ABTB2: variants seen among roughly 807,000 people sequenced by gnomAD.
ABTB2 encodes the protein ankyrin repeat and BTB/POZ domain-containing protein 2.
In ABTB2, 56 loss-of-function variants were observed where a neutral mutation model predicts 104.1. The observed-to-expected ratio is 0.54, with a 90% confidence interval of 0.43 to 0.67. ABTB2 has a LOEUF of 0.67. Among genes scored for constraint, ABTB2 ranks in the 30% least tolerant of loss-of-function variants. The probability of loss-of-function intolerance (pLI) is 0.00; values close to 1 mark genes in which losing one functional copy is unlikely to be tolerated. For missense variants in ABTB2, 1,279 were observed against 1,407.7 expected (o/e 0.91, Z 1.46); for synonymous variants, 606 against 608.2 (o/e 1.00, Z 0.05).
At chr11:34,303,765 C>A (rs1854739160) in intron 1 of ABTB2, among the ~76,000 whole-genome samples, 1 of 151,256 alleles carries the variant, frequency 6.6e-6, no homozygotes, top group East Asian at 2.0e-4. Context: ...GCCTCAGCTT[C>A]CCGAGTAGTT....
intron 1 of ABTB2, among the ~76,000 whole-genome samples, chr11:34,287,224 C>T (rs1244790147): frequency 6.7e-6 from 1 of 149,284 alleles, no homozygotes; most frequent in Non-Finnish European, 1.5e-5. Context: ...TGTACACACA[C>T]CCTTAAAAGT....
At chr11:34,163,945 C>T (rs1463679247) in intron 9 of ABTB2, among the ~76,000 whole-genome samples, 1 of 137,244 alleles carries the variant, frequency 7.3e-6, no homozygotes, top group Non-Finnish European at 1.6e-5. Context: ...AAGATGGCGC[C>T]TGGAGGGTGA....
At chr11:34,321,028 C>T (rs1358542986) in intron 1 of ABTB2, among the ~76,000 whole-genome samples, 3 of 151,972 alleles carry the variant, frequency 2.0e-5, no homozygotes, top group Non-Finnish European at 4.4e-5. Flanking sequence ...ACTAAAAATA[C>T]AAAATTAGCT....
chr11:34,152,478 C>G lies in ABTB2; in HGVS notation c.2987G>C (p.Ser996Thr). ...DAFRQLIYGR[S>T]SKVQGLDPLQ... Reference sequence around the variant, plus strand: ...TGGATCCAGGCCCTGCACTTTGCTGCTGCGGCCGTAGATGAGCTGCCGGAA... The same window carrying G: ...TGGATCCAGGCCCTGCACTTTGCTGGTGCGGCCGTAGATGAGCTGCCGGAA... Residue 996 changes from serine to threonine, a missense_variant, in exon 17 of 17, where the codon AGC becomes ACC. Ser to Thr is a moderately conservative substitution (Grantham distance 58). Coordinates refer to ENST00000435224, the MANE Select transcript of ABTB2 (RefSeq NM_145804.3). 1 of 1,606,130 alleles carries G rather than the reference C, an allele frequency of 6.2e-7. No homozygotes were observed. Among genetic ancestry groups the G allele is most frequent in the Non-Finnish European group, 8.5e-7 (1 of 1,177,390 alleles).
intron 1 of ABTB2, among the ~76,000 whole-genome samples, chr11:34,320,943 G>A (rs1300356584): frequency 6.6e-6 from 1 of 152,216 alleles, no homozygotes; most frequent in East Asian, 1.9e-4. Flanking sequence ...AGCACTTTGG[G>A]AGGCTGAGGT....
intron 1 of ABTB2, among the ~76,000 whole-genome samples, chr11:34,355,084 CTCT>C (rs1855449907): frequency 6.6e-6 from 1 of 152,240 alleles, no homozygotes. Flanking sequence ...GCAGCAGATG[CTCT>C]TCAATTCCCA....
chr11:34,170,356 AAAAC>A (rs781500023), intron 5 of ABTB2, among the ~76,000 whole-genome samples: 2 of 152,272 alleles, frequency 1.3e-5, no homozygotes, highest in African/African-American at 4.8e-5. Context: ...GCAAAAGTAA[AAAAC>A]AAAACAGATG....
Position 34,160,910 on chromosome 11 carries a change from G to T in ABTB2, c.2390C>A (p.Thr797Asn), listed in dbSNP as rs114499809. 1,640 of 1,607,296 alleles carry T rather than the reference G, an allele frequency of 1.0e-3. No homozygotes were observed. The highest frequency in any genetic ancestry group is 1.2e-3 in the Non-Finnish European group (1,417 of 1,176,338). ...GCCACTGGCCACACTTACTTTGCTG[G>T]TCTTGAGGATGTCGAACATGAGCTG... ...GLQLMFDILK[T>N]SKNDSVIQQL... Residue 797 changes from threonine (T) to asparagine (N), a missense_variant, in exon 11 of 17, where the codon ACC becomes AAC. Coordinates refer to ENST00000435224, the MANE Select transcript of ABTB2 (RefSeq NM_145804.3).
chr11:34,321,276 G>A (rs1854998669), intron 1 of ABTB2, among the ~76,000 whole-genome samples: 1 of 152,214 alleles, frequency 6.6e-6, no homozygotes, highest in East Asian at 1.9e-4. Flanking sequence ...TTCCACAGAA[G>A]CCAAAGCTTC....
At chr11:34,215,868 G>A (rs7124662) in intron 1 of ABTB2, among the ~76,000 whole-genome samples, 8,586 of 152,160 alleles carry the variant, frequency 0.056, 818 homozygotes, top group African/African-American at 0.19. Context: ...AAAAGTTATT[G>A]TCACTATTAG....
chr11:34,254,788 C>T (rs1565152217), intron 1 of ABTB2, among the ~76,000 whole-genome samples: 1 of 151,200 alleles, frequency 6.6e-6, no homozygotes, highest in Non-Finnish European at 1.5e-5. Flanking sequence ...TCTCCTGCCT[C>T]AGCCTCCCGA....
chr11:34,153,713 T>C (rs1852581227), intron 16 of ABTB2, among the ~76,000 whole-genome samples: 1 of 152,172 alleles, frequency 6.6e-6, no homozygotes, highest in Non-Finnish European at 1.5e-5. Context: ...GAGGCTGGGC[T>C]GATGCCATTG....
chr11:34,305,212 C>T (rs1854756697), intron 1 of ABTB2, among the ~76,000 whole-genome samples: 1 of 152,184 alleles, frequency 6.6e-6, no homozygotes, highest in Non-Finnish European at 1.5e-5. Context: ...GCTAGGTCTC[C>T]ACACTAAACC....
intron 1 of ABTB2, among the ~76,000 whole-genome samples, chr11:34,343,672 C>A (rs901752342): frequency 7.5e-6 from 1 of 133,312 alleles, no homozygotes; most frequent in African/African-American, 2.5e-5. Context: ...CAGGGTTTCA[C>A]CAAGTTGGCC....
chr11:34,265,910 A>T (rs1317566880), intron 1 of ABTB2, among the ~76,000 whole-genome samples: 2 of 151,808 alleles, frequency 1.3e-5, no homozygotes, highest in African/African-American at 2.4e-5. Context: ...CAGAGGTTGC[A>T]GTGAGCCAAG....
In ABTB2 at chr11:34,201,518, G is replaced by A. The variant is rs189225767; in HGVS notation, c.1030+3026C>T. 2.4e-4 allele frequency among the ~76,000 whole-genome samples: 36 copies of A among 152,328 alleles called. 1 individual carries two copies. The highest frequency in any genetic ancestry group is 1.0e-3 in the Admixed American group (16 of 15,302). On this transcript the variant is annotated intron_variant, in intron 2 of 16. Transcript: ENST00000435224. ...AAGCACAAGTCCCAAAACTCCGTGT[G>A]AAGCTGGATCTCATACAAGAGTGAA... is the stretch of plus-strand genomic sequence containing the variant.
intron 1 of ABTB2, among the ~76,000 whole-genome samples, chr11:34,296,471 G>T (rs1044123450): frequency 9.2e-5 from 14 of 152,182 alleles, no homozygotes; most frequent in South Asian, 2.1e-4. Flanking sequence ...TGCAGTTACT[G>T]GTCATAAGGC....
chr11:34,300,083 AG>A (rs1854682286), intron 1 of ABTB2, among the ~76,000 whole-genome samples: 2 of 152,176 alleles, frequency 1.3e-5, no homozygotes, highest in Non-Finnish European at 2.9e-5. Flanking sequence ...AAGGTGAGGA[AG>A]GGTTCTCTTT....
chr11:34,286,758 G>T (rs1024426958), intron 1 of ABTB2, among the ~76,000 whole-genome samples: 1 of 152,084 alleles, frequency 6.6e-6, no homozygotes, highest in African/African-American at 2.4e-5. Context: ...CAAAACAAAA[G>T]CCTTTTAGCT....
Sources: allele counts gnomAD v4.1 joint callset (sites outside exome capture counted in the v4.1 genomes callset), GRCh38; gene constraint gnomAD v4.1.1; transcripts MANE v1.5; gene names NCBI Gene and HGNC (gene_info 2026-07-23, HGNC 2026-07-21).